Variants in IL18R1 observed in about 807,000 individuals in gnomAD.
IL18R1 encodes interleukin 18 receptor 1, also known as interleukin-18 receptor 1.
In IL18R1, 40 loss-of-function variants were observed where a neutral mutation model predicts 48.5. The ratio of observed to expected loss-of-function variants is 0.82; its 90% CI spans 0.64 to 1.07. The LOEUF is 1.07. Ranked by LOEUF, IL18R1 falls within the 50% of genes least tolerant of loss-of-function variation. The probability of loss-of-function intolerance (pLI) is 0.00; values close to 1 mark genes in which losing one functional copy is unlikely to be tolerated. For synonymous variants in IL18R1, 232 were observed against 225.9 expected, an observed-to-expected ratio of 1.03 and a Z score of -0.24; for missense variants, 596 against 633.7, an observed-to-expected ratio of 0.94 and a Z score of 0.64.
At chr2:102,370,271 A>G (rs778982512) in intron 3 of IL18R1, among the ~76,000 whole-genome samples, 5 of 152,230 alleles carry the variant, frequency 3.3e-5, no homozygotes, top group Non-Finnish European at 7.3e-5. Flanking sequence ...GTTGAGTGTT[A>G]GGAATTGAGG....
At chr2:102,389,098 C>A (rs1361116278) in intron 8 of IL18R1, among the ~76,000 whole-genome samples, 1 of 151,932 alleles carries the variant, frequency 6.6e-6, no homozygotes, top group Non-Finnish European at 1.5e-5. Flanking sequence ...CATGTATACA[C>A]TTATACATAT....
At chr2:102,386,594 C>G (rs1228608437) in intron 7 of IL18R1, among the ~76,000 whole-genome samples, 1 of 152,210 alleles carries the variant, frequency 6.6e-6, no homozygotes, top group Admixed American at 6.5e-5. Flanking sequence ...ATATTTTCAA[C>G]TTAGCATCAT....
Position 102,396,970 on chromosome 2 carries a change from C to A in IL18R1, c.*84C>A. Reference sequence around the variant, plus strand: ...AACCTGTTCATAACAAAGGCTGTGACTCGAAATAATTAACTTTGTCAAAAT... The same window carrying A: ...AACCTGTTCATAACAAAGGCTGTGAATCGAAATAATTAACTTTGTCAAAAT... On this transcript the variant is annotated 3_prime_UTR_variant, in exon 11 of 11. Transcript: ENST00000233957. 1 of 783,158 alleles carries A rather than the reference C, an allele frequency of 1.3e-6. No homozygotes were observed. The highest frequency in any genetic ancestry group is 2.0e-6 in the Non-Finnish European group (1 of 491,198). 48.5% of individuals were successfully genotyped at this position (783,158 alleles called of 1,614,324 possible).
At chr2:102,357,019 C>A (rs1678289730) in intron 1 of IL18R1, among the ~76,000 whole-genome samples, 2 of 152,284 alleles carry the variant, frequency 1.3e-5, no homozygotes, top group Admixed American at 1.3e-4. Flanking sequence ...ATTCTCAAGA[C>A]CCTTTGCAAA....
chr2:102,372,043 A>T lies in IL18R1; in HGVS notation c.393A>T (p.Glu131Asp), dbSNP rs929140233. The change falls in exon 4 of 11, where the codon GAA becomes GAT. Residue 131 changes from glutamate to aspartate, a missense_variant. This residue lies in a region of IL18R1 where 360 missense variants were observed against 339.4 expected (regional missense o/e 1.06). Coordinates refer to ENST00000233957, the MANE Select transcript of IL18R1 (RefSeq NM_003855.5). Reference sequence around the variant, plus strand: ...GACAAGTAACTAGTAAAATTGTGGAAGTTAAAAAATTTTTTCAGATAACCT... The same window carrying T: ...GACAAGTAACTAGTAAAATTGTGGATGTTAAAAAATTTTTTCAGATAACCT... ...TERQVTSKIV[E>D]VKKFFQITCE... The T allele has an allele frequency of 5.0e-6, 8 of 1,606,668 alleles. No individual in the cohort carries two copies. The highest frequency in any genetic ancestry group is 5.9e-6 in the Non-Finnish European group (7 of 1,176,492).
intron 2 of IL18R1, among the ~76,000 whole-genome samples, chr2:102,365,837 A>G (rs773200023): frequency 3.9e-5 from 6 of 152,120 alleles, no homozygotes; most frequent in Admixed American, 6.5e-5. Flanking sequence ...TGGGGCTTGC[A>G]CCCTCTGAAG....
chr2:102,367,255 G>A (rs2086393600), intron 2 of IL18R1, among the ~76,000 whole-genome samples: 1 of 152,154 alleles, frequency 6.6e-6, no homozygotes, highest in African/African-American at 2.4e-5. Flanking sequence ...TCCACATGGT[G>A]ACCTACAGTA....
intron 9 of IL18R1, 106 bp downstream of exon 9, chr2:102,390,323 G>C (rs952649690): frequency 1.5e-5 from 16 of 1,035,006 alleles, no homozygotes; most frequent in Admixed American, 2.2e-5. Context: ...GAATTAATCT[G>C]TGGGAGAGGT....
intron 3 of IL18R1, among the ~76,000 whole-genome samples, chr2:102,370,156 C>T (rs542371096): frequency 6.6e-6 from 1 of 152,208 alleles, no homozygotes; most frequent in East Asian, 1.9e-4. Flanking sequence ...CAGTGTTAAC[C>T]CTAGCCTTGG....
intron 9 of IL18R1, among the ~76,000 whole-genome samples, chr2:102,391,469 C>T (rs1402829668): frequency 6.6e-6 from 1 of 152,174 alleles, no homozygotes; most frequent in African/African-American, 2.4e-5. Flanking sequence ...TGCAGAGCTA[C>T]CACTGTTTAT....
chr2:102,368,071 G>A lies in IL18R1; in HGVS notation c.302+3G>A, dbSNP rs1367485804. The A allele has an allele frequency of 1.2e-6, 2 of 1,613,458 alleles. No individual in the cohort carries two copies. The highest frequency in any genetic ancestry group is 1.3e-5 in the African/African-American group (1 of 75,034). On this transcript the variant is annotated splice_donor_region_variant and intron_variant, in intron 3 of 10. Transcript: ENST00000233957. ...GGATCTTACTTTTTCCAAATGAAGT[G>A]AGTAACCCTTTCTTTTCAAAATGTA... is the stretch of plus-strand genomic sequence containing the variant.
intron 7 of IL18R1, 97 bp from the exon 8 acceptor site, chr2:102,386,764 C>T: frequency 8.3e-7 from 1 of 1,209,104 alleles, no homozygotes; most frequent in Non-Finnish European, 1.2e-6. Flanking sequence ...ATAATGCAGG[C>T]AACATCACAG....
chr2:102,370,143 C>A (rs1679168133), intron 3 of IL18R1, among the ~76,000 whole-genome samples: 4 of 152,094 alleles, frequency 2.6e-5, no homozygotes, highest in Non-Finnish European at 5.9e-5. Context: ...GGTCAGTTGG[C>A]CTCAGTGTTA....
At chr2:102,356,705 A>G (rs909589629) in intron 1 of IL18R1, among the ~76,000 whole-genome samples, 4 of 152,172 alleles carry the variant, frequency 2.6e-5, no homozygotes, top group Non-Finnish European at 5.9e-5. Flanking sequence ...ATTTTTAGAT[A>G]TCTTATTTTC....
At chr2:102,383,825 A>T (rs910882684) in intron 6 of IL18R1, among the ~76,000 whole-genome samples, 2 of 152,216 alleles carry the variant, frequency 1.3e-5, no homozygotes, top group Non-Finnish European at 2.9e-5. Context: ...TTTAAAATAA[A>T]TTACACTTTG....
At chr2:102,377,800 T>C (rs915180984) in intron 5 of IL18R1, among the ~76,000 whole-genome samples, 12 of 152,278 alleles carry the variant, frequency 7.9e-5, no homozygotes, top group African/African-American at 2.9e-4. Context: ...ACCTAGATAA[T>C]CCAGGGTGAT....
intron 2 of IL18R1, among the ~76,000 whole-genome samples, chr2:102,365,013 T>C (rs564515885): frequency 1.3e-5 from 2 of 152,156 alleles, no homozygotes; most frequent in South Asian, 4.1e-4. Context: ...CAATTCAAGA[T>C]GATTTGGGTT....
At position 102,362,718 on chromosome 2, in the gene IL18R1, G is replaced by A. The variant is rs749670362; in HGVS notation, c.58G>A (p.Glu20Lys). 1 of 1,560,862 alleles carries A rather than the reference G, an allele frequency of 6.4e-7. No homozygotes were observed. The highest frequency in any genetic ancestry group is 1.1e-5 in the South Asian group (1 of 87,408). Residue 20 changes from glutamate to lysine, a missense_variant and splice_region_variant, in exon 2 of 11, where the codon GAA (glutamate) becomes AAA (lysine). Around this residue, in one of 3 missense-constraint regions of IL18R1, gnomAD observed 360 missense variants for 339.4 expected, o/e 1.06. Transcript: ENST00000233957. ...LWVLISVSTA[E>K]SCTSRPHITV... ...GGTGCTTATATCTGTAAGCACTGCA[G>A]GTAAGTGATTATACATACTCTCAAA...
chr2:102,382,274 A>T (rs865833943), intron 6 of IL18R1, among the ~76,000 whole-genome samples: 45 of 152,140 alleles, frequency 3.0e-4, no homozygotes, highest in African/African-American at 9.9e-4. Flanking sequence ...TCTATCTCAA[A>T]AATAATAATA....
Sources: gnomAD v4.1 joint callset for allele counts (sites outside exome capture counted in the v4.1 genomes callset) on GRCh38, gnomAD v4.1.1 for gene constraint, gnomAD v4.1.1 regional missense constraint, MANE v1.5 for transcripts, NCBI Gene and HGNC (gene_info 2026-07-23, HGNC 2026-07-21) for gene names.